Variants in BAZ2B observed in about 807,000 individuals in gnomAD.
BAZ2B encodes bromodomain adjacent to zinc finger domain protein 2B.
A neutral mutation model predicts 246.0 loss-of-function variants in BAZ2B; 91 were observed. That is an observed-to-expected ratio of 0.37 (90% CI 0.31 to 0.44). BAZ2B has a LOEUF of 0.44. BAZ2B is among the 20% of genes least tolerant of loss of function. The probability of loss-of-function intolerance (pLI) is 1.00; values close to 1 mark genes in which losing one functional copy is unlikely to be tolerated. For missense variants in BAZ2B, 2,332 were observed against 2,533.7 expected (o/e 0.92, Z 1.71); for synonymous variants, 855 against 860.0 (o/e 0.99, Z 0.10).
At chr2:159,541,049 C>G (rs1325379306) in intron 2 of BAZ2B, among the ~76,000 whole-genome samples, 1 of 152,222 alleles carries the variant, frequency 6.6e-6, no homozygotes, top group East Asian at 1.9e-4. Context: ...ATTTTTTACA[C>G]ATTTCCTAGA....
At position 159,471,500 on chromosome 2, in the gene BAZ2B, G is replaced by T. The variant is rs936048674; in HGVS notation, c.145+7075C>A. 3.3e-5 allele frequency among the ~76,000 whole-genome samples: 5 copies of T among 152,194 alleles called. No homozygotes were observed. The South Asian group carries it at 8.3e-4, about 25-fold the overall frequency. Reference sequence around the variant, plus strand: ...AGCTACTAAGGAGGCTGAGGTTGGGGGATTGCCTGAGCCTCAAAGGTTGAG... The same window carrying T: ...AGCTACTAAGGAGGCTGAGGTTGGGTGATTGCCTGAGCCTCAAAGGTTGAG... On this transcript the variant is annotated intron_variant, in intron 3 of 36. Coordinates refer to ENST00000392783, the MANE Select transcript of BAZ2B (RefSeq NM_013450.4).
intron 20 of BAZ2B, among the ~76,000 whole-genome samples, chr2:159,390,578 T>C (rs1206680129): frequency 6.6e-6 from 1 of 152,098 alleles, no homozygotes; most frequent in Non-Finnish European, 1.5e-5. Context: ...CGATTATCAC[T>C]TGTAAGCAAG....
chr2:159,602,273 G>A (rs901763275), intron 1 of BAZ2B, among the ~76,000 whole-genome samples: 3 of 152,180 alleles, frequency 2.0e-5, no homozygotes, highest in African/African-American at 7.2e-5. Context: ...AGAAATGGGA[G>A]TAAGAAACAG....
chr2:159,676,969 T>C, the BAZ2B span, among the ~76,000 whole-genome samples: 3 of 94,324 alleles, frequency 3.2e-5, no homozygotes, highest in Admixed American at 1.0e-4. Context: ...TATATATATA[T>C]ATATATATAT....
At chr2:159,640,118 T>C in the BAZ2B span, among the ~76,000 whole-genome samples, 1 of 152,162 alleles carries the variant, frequency 6.6e-6, no homozygotes, top group South Asian at 2.1e-4. Flanking sequence ...AGAAGTTCAT[T>C]ACATAATCAG....
the BAZ2B span, among the ~76,000 whole-genome samples, chr2:159,626,867 A>G: frequency 2.0e-5 from 3 of 152,200 alleles, no homozygotes; most frequent in Non-Finnish European, 4.4e-5. Flanking sequence ...CAAAAAATCA[A>G]TGAATCCAGG....
intron 33 of BAZ2B, among the ~76,000 whole-genome samples, chr2:159,336,568 G>A (rs1030925995): frequency 6.6e-6 from 1 of 152,120 alleles, no homozygotes; most frequent in Admixed American, 6.5e-5. Context: ...AAAACTGATA[G>A]AAAAAGACAT....
the BAZ2B span, among the ~76,000 whole-genome samples, chr2:159,679,872 A>T: frequency 0.93 from 142,358 of 152,322 alleles, 66,651 homozygotes; most frequent in African/African-American, 0.97. Context: ...AAAGTGCACT[A>T]TGCTATAGAG....
chr2:159,321,190 A>C (rs2062674433), intron 36 of BAZ2B, among the ~76,000 whole-genome samples: 1 of 152,188 alleles, frequency 6.6e-6, no homozygotes, highest in Admixed American at 6.5e-5. Flanking sequence ...TTTCAAACCA[A>C]CTCAAGCCAG....
intron 2 of BAZ2B, among the ~76,000 whole-genome samples, chr2:159,528,573 C>T (rs768197239): frequency 4.0e-5 from 6 of 151,458 alleles, no homozygotes; most frequent in Non-Finnish European, 8.8e-5. Context: ...ATCCCAGCTA[C>T]TTAGTAGGCT....
intron 1 of BAZ2B, among the ~76,000 whole-genome samples, chr2:159,556,218 T>C (rs1414719742): frequency 6.6e-6 from 1 of 152,186 alleles, no homozygotes; most frequent in Non-Finnish European, 1.5e-5. Context: ...CTTAAATACG[T>C]CACAAACTGA....
intron 3 of BAZ2B, chr2:159,461,709 AATGGTACTAAG>A (rs1160620170): frequency 6.5e-6 from 1 of 152,730 alleles, no homozygotes; most frequent in Non-Finnish European, 1.5e-5. Context: ...CTATAACTAC[AATGGTACTAAG>A]ATGGGAAGGA....
At chr2:159,609,186 T>C (rs1400791807) in intron 1 of BAZ2B, among the ~76,000 whole-genome samples, 1 of 152,222 alleles carries the variant, frequency 6.6e-6, no homozygotes, top group South Asian at 2.1e-4. Flanking sequence ...GAAACTATTA[T>C]AGCTGGCCTA....
downstream of BAZ2B, among the ~76,000 whole-genome samples, chr2:159,316,430 C>T (rs1003804079): frequency 1.3e-5 from 2 of 151,842 alleles, no homozygotes; most frequent in South Asian, 2.1e-4. Flanking sequence ...CGGTGGCTCA[C>T]GCCTGTAATC....
chr2:159,448,150 CA>C, intron 5 of BAZ2B, 91 bp downstream of exon 5: 1 of 1,442,150 alleles, frequency 6.9e-7, no homozygotes, highest in Admixed American at 2.5e-5. Flanking sequence ...CAAACAAAAA[CA>C]AAAAACAAAA....
At chr2:159,386,934 C>A (rs2062716357) in intron 21 of BAZ2B, among the ~76,000 whole-genome samples, 1 of 152,086 alleles carries the variant, frequency 6.6e-6, no homozygotes, top group African/African-American at 2.4e-5. Flanking sequence ...ATTAACAAAA[C>A]ATGGATTATA....
chr2:159,698,226 A>C, the BAZ2B span, among the ~76,000 whole-genome samples: 163 of 152,232 alleles, frequency 1.1e-3, 1 homozygote, highest in Middle Eastern at 3.4e-3. Context: ...ACTTAGTATA[A>C]AAATATTTTA....
chr2:159,394,400 T>G (rs958115791), intron 20 of BAZ2B, among the ~76,000 whole-genome samples: 1 of 152,132 alleles, frequency 6.6e-6, no homozygotes, highest in African/African-American at 2.4e-5. Context: ...TTTTCAGAGA[T>G]TATGGTTACA....
the BAZ2B span, among the ~76,000 whole-genome samples, chr2:159,687,380 C>G: frequency 2.0e-5 from 3 of 152,204 alleles, no homozygotes; most frequent in Admixed American, 6.5e-5. Context: ...AACATTCAAT[C>G]CTTTCCCCAG....
Sources: gnomAD v4.1 joint callset for allele counts (sites outside exome capture counted in the v4.1 genomes callset) on GRCh38, gnomAD v4.1.1 for gene constraint, MANE v1.5 for transcripts, NCBI Gene and HGNC (gene_info 2026-07-23, HGNC 2026-07-21) for gene names.